NAP1L1: variants seen among roughly 807,000 people sequenced by gnomAD.
NAP1L1 encodes nucleosome assembly protein 1-like 1.
Under a neutral mutation model 58.9 loss-of-function variants are expected in NAP1L1, and 9 were observed. The ratio of observed to expected loss-of-function variants is 0.15; its 90% CI spans 0.09 to 0.27. The LOEUF is 0.27. NAP1L1 is among the 10% of genes least tolerant of loss of function. The pLI is 1.00. For missense variants in NAP1L1, 302 were observed against 458.8 expected (o/e 0.66, Z 3.12); for synonymous variants, 130 against 138.3 (o/e 0.94, Z 0.42).
chr12:76,043,099 T>C lies in NAP1L1; in HGVS notation c.*5330A>G, dbSNP rs1436356937. 1 of 152,244 alleles carries C rather than the reference T, an allele frequency of 6.6e-6. No individual in the cohort carries two copies. Among genetic ancestry groups the C allele is most frequent in the East Asian group, 1.9e-4 (1 of 5,204 alleles). The allele number at this position is 152,244 out of a possible 1,614,324, so 9.4% of individuals were successfully genotyped here. A position where few individuals can be genotyped will look rare whatever the true frequency, so the allele number is the denominator to read the frequency against. ...CTAACAGCGTCTTGTTCACTGCTGC[T>C]GCCACGTCATTTAACTTACTTTTTC... On this transcript the variant is annotated 3_prime_UTR_variant, in exon 15 of 15. Transcript: ENST00000618691.
At chr12:76,068,862 G>T in intron 3 of NAP1L1, 47 bp downstream of exon 3, 1 of 1,373,670 alleles carries the variant, frequency 7.3e-7, no homozygotes, top group South Asian at 1.2e-5. Flanking sequence ...CCCTCTAGTA[G>T]ACATGTGCCA....
In NAP1L1 at chr12:76,056,265, C is replaced by T; in HGVS notation, c.430-104G>A. ...AAGCACAGTCACCAGATATTACCTT[C>T]AAAGTTCTAGTCTATCTGTGTAAAC... On this transcript the variant is annotated intron_variant, in intron 6 of 14. Coordinates refer to ENST00000618691, the MANE Select transcript of NAP1L1 (RefSeq NM_004537.7). 2 of 1,180,654 alleles carry T rather than the reference C, an allele frequency of 1.7e-6. 1 individual carries two copies. Among genetic ancestry groups the T allele is most frequent in the South Asian group, 3.1e-5 (2 of 64,030 alleles). The allele number at this position is 1,180,654 out of a possible 1,614,324, so 73.1% of individuals were successfully genotyped here. A position where few individuals can be genotyped will look rare whatever the true frequency, so the allele number is the denominator to read the frequency against.
At chr12:76,059,670 TA>T in intron 6 of NAP1L1, 127 bp downstream of exon 6, 2 of 674,748 alleles carry the variant, frequency 3.0e-6, no homozygotes, top group Non-Finnish European at 5.0e-6. Flanking sequence ...AATAAAGACG[TA>T]AAATTAAAAA....
chr12:76,068,735 T>TACACATACAC (rs1949801295), intron 3 of NAP1L1, 174 bp downstream of exon 3: 1 of 281,758 alleles, frequency 3.5e-6, no homozygotes, highest in African/African-American at 2.9e-5. Context: ...ACCCGCCCCT[T>TACACATACAC]ACACACACAC....
chr12:76,083,665 A>G (rs1190072537), intron 1 of NAP1L1, among the ~76,000 whole-genome samples: 1 of 152,136 alleles, frequency 6.6e-6, no homozygotes, highest in South Asian at 2.1e-4. Flanking sequence ...TTTTGCTAAT[A>G]ACAGTTAATA....
At chr12:76,051,570 G>A (rs1281497178) in intron 11 of NAP1L1, among the ~76,000 whole-genome samples, 1 of 152,040 alleles carries the variant, frequency 6.6e-6, no homozygotes. Flanking sequence ...TTAGAGACAG[G>A]GTCTCGCTAT....
intron 6 of NAP1L1, chr12:76,056,939 A>T (rs1949131607): frequency 4.0e-6 from 1 of 251,952 alleles, no homozygotes; most frequent in Non-Finnish European, 8.0e-6. Flanking sequence ...TGAACCCAGG[A>T]GGTGGAGGTT....
rs2136937127 is a variant in NAP1L1 at position 76,044,566 on chromosome 12, T to C, written c.*3863A>G. ...TGGTCGGGCCTCAATAAGCCCACTG[T>C]AAGTCAAAAATATCATAAGTAGAAG... On this transcript the variant is annotated 3_prime_UTR_variant, in exon 15 of 15. Coordinates refer to ENST00000618691, the MANE Select transcript of NAP1L1 (RefSeq NM_004537.7). The C allele has an allele frequency of 6.6e-6, 1 of 152,292 alleles. No homozygotes were observed. Among genetic ancestry groups the C allele is most frequent in the South Asian group, 2.1e-4 (1 of 4,832 alleles). The allele number at this position is 152,292 out of a possible 1,614,324, so 9.4% of individuals were successfully genotyped here.
In NAP1L1 at chr12:76,041,423, CAA is replaced by C. The variant is rs1430478408; in HGVS notation, c.*7004_*7005del. 21 of 152,178 alleles carry C rather than the reference CAA, an allele frequency of 1.4e-4. 1 individual carries two copies. The highest frequency in any genetic ancestry group is 1.4e-3 in the Admixed American group (21 of 15,270). 9.4% of individuals were successfully genotyped at this position (152,178 alleles called of 1,614,324 possible). A position where few individuals can be genotyped will look rare whatever the true frequency, so the allele number is the denominator to read the frequency against. ...ATGTTGAACTAGTAAAACACATGCA[CAA>C]AAGCCCAGTGGCAGAAGTAAAAGAA... On this transcript the variant is annotated 3_prime_UTR_variant, in exon 15 of 15. Coordinates refer to ENST00000618691, the MANE Select transcript of NAP1L1 (RefSeq NM_004537.7).
At chr12:76,082,503 T>G (rs1168098292) in intron 1 of NAP1L1, among the ~76,000 whole-genome samples, 1 of 152,240 alleles carries the variant, frequency 6.6e-6, no homozygotes. Flanking sequence ...CAAATTGGTA[T>G]AGTGAAAACT....
chr12:76,068,781 A>C (rs1949810472), intron 3 of NAP1L1, 128 bp downstream of exon 3: 1 of 441,366 alleles, frequency 2.3e-6, no homozygotes, highest in Non-Finnish European at 3.9e-6. Context: ...CACACACACT[A>C]GAAGTATGGA....
At position 76,045,054 on chromosome 12, in the gene NAP1L1, A is replaced by G. The variant is rs1592596227; in HGVS notation, c.*3375T>C. The G allele has an allele frequency of 6.6e-6, 1 of 152,132 alleles. No homozygotes were observed. Among genetic ancestry groups the G allele is most frequent in the African/African-American group, 2.4e-5 (1 of 41,450 alleles). 9.4% of individuals were successfully genotyped at this position (152,132 alleles called of 1,614,324 possible). A position where few individuals can be genotyped will look rare whatever the true frequency, so the allele number is the denominator to read the frequency against. ...TAGTGCTTTAAGTAGCAAATTACCT[A>G]AATTATGAACACATATTTCCAAAAA... is the stretch of plus-strand genomic sequence containing the variant. On this transcript the variant is annotated 3_prime_UTR_variant, in exon 15 of 15. Coordinates refer to ENST00000618691, the MANE Select transcript of NAP1L1 (RefSeq NM_004537.7).
intron 3 of NAP1L1, 116 bp from the exon 4 acceptor site, chr12:76,067,589 T>C (rs1333490686): frequency 2.8e-6 from 2 of 717,566 alleles, no homozygotes; most frequent in South Asian, 1.8e-5. Flanking sequence ...TGCTGGTATA[T>C]CTAATGAGTA....
intron 6 of NAP1L1, chr12:76,057,743 C>A (rs1488782386): frequency 6.5e-7 from 1 of 1,549,216 alleles, no homozygotes; most frequent in Non-Finnish European, 8.7e-7. Context: ...GCAAAACTTA[C>A]TGTGGAAAAT....
rs1264870540 is a variant in NAP1L1, at chr12:76,036,812, C to A, written c.*11617G>T. 6.6e-6 allele frequency: 1 copy of A among 152,224 alleles called. No homozygotes were observed. Among genetic ancestry groups the A allele is most frequent in the East Asian group, 1.9e-4 (1 of 5,202 alleles). The allele number at this position is 152,224 out of a possible 1,614,324, so 9.4% of individuals were successfully genotyped here. On this transcript the variant is annotated 3_prime_UTR_variant, in exon 15 of 15. Transcript: ENST00000618691. ...CCAAGGCTGGGCGCGGTGGCTCACG[C>A]CTGTAATCCCAACACTTTGGGAGGC...
At chr12:76,057,912 A>C in intron 6 of NAP1L1, 1 of 1,213,284 alleles carries the variant, frequency 8.2e-7, no homozygotes, top group South Asian at 1.3e-5. Flanking sequence ...AGAGCAAAGA[A>C]ATATGTGACA....
chr12:76,081,223 C>T (rs1368314246), intron 1 of NAP1L1, among the ~76,000 whole-genome samples: 6 of 152,284 alleles, frequency 3.9e-5, no homozygotes, highest in Admixed American at 6.5e-5. Flanking sequence ...GTTATCACTG[C>T]TCACGTACGT....
chr12:76,066,703 T>C (rs991183970), intron 4 of NAP1L1, among the ~76,000 whole-genome samples: 2 of 152,140 alleles, frequency 1.3e-5, no homozygotes, highest in Non-Finnish European at 2.9e-5. Flanking sequence ...TCTTCTTGCA[T>C]TGAGTACAGT....
At position 76,045,201 on chromosome 12, in the gene NAP1L1, A is replaced by C. The variant is rs1057231047; in HGVS notation, c.*3228T>G. On this transcript the variant is annotated 3_prime_UTR_variant, in exon 15 of 15. Coordinates refer to ENST00000618691, the MANE Select transcript of NAP1L1 (RefSeq NM_004537.7). ...GAACTTACACTCTTCTGCACTACCAATCTATTCTGTACATTTAAAATAACA... is the reference window on the plus strand; with the variant it reads ...GAACTTACACTCTTCTGCACTACCACTCTATTCTGTACATTTAAAATAACA... 1 of 152,124 alleles carries C rather than the reference A, an allele frequency of 6.6e-6. No homozygotes were observed. Among genetic ancestry groups the C allele is most frequent in the Non-Finnish European group, 1.5e-5 (1 of 67,958 alleles). The allele number at this position is 152,124 out of a possible 1,614,324, so 9.4% of individuals were successfully genotyped here.
Sources: gnomAD v4.1 joint callset for allele counts (sites outside exome capture counted in the v4.1 genomes callset) on GRCh38, gnomAD v4.1.1 for gene constraint, MANE v1.5 for transcripts, NCBI Gene and HGNC (gene_info 2026-07-23, HGNC 2026-07-21) for gene names.